The following CELF2 variants were observed in gnomAD, a reference collection of about 807,000 sequenced individuals.
The protein encoded by CELF2 is CUG triplet repeat RNA-binding protein 2.
Under a neutral mutation model 62.6 loss-of-function variants are expected in CELF2, and 8 were observed. That is an observed-to-expected ratio of 0.13 (90% CI 0.07 to 0.23). CELF2 has a LOEUF of 0.23. CELF2 is among the 10% of genes least tolerant of loss of function. The pLI is 1.00. For synonymous variants in CELF2, 258 were observed against 250.0 expected (o/e 1.03, Z -0.30); for missense variants, 333 against 671.0 (o/e 0.50, Z 5.56).
chr10:10,760,382 CT>C, the CELF2 span, among the ~76,000 whole-genome samples: 1 of 152,214 alleles, frequency 6.6e-6, no homozygotes, highest in South Asian at 2.1e-4. Context: ...GGAAAAGAGA[CT>C]GTGCTACTGT....
At chr10:10,830,730 G>A (rs1384579145) in intron 1 of CELF2, among the ~76,000 whole-genome samples, 6 of 152,040 alleles carry the variant, frequency 3.9e-5, no homozygotes, top group South Asian at 2.1e-4. Flanking sequence ...AAGCATTCGC[G>A]TAAAGAAAAT....
At chr10:10,515,331 T>TACAGTG in the CELF2 span, among the ~76,000 whole-genome samples, 7 of 151,726 alleles carry the variant, frequency 4.6e-5, 1 homozygote, top group South Asian at 1.0e-3. Flanking sequence ...ATCATGTTCA[T>TACAGTG]ACATCTTCCC....
chr10:11,328,017 T>G lies in CELF2; in HGVS notation c.1439-909T>G, dbSNP rs2095845676. ...ATACCTCTGCTGCTGCCTCCCCCAG[T>G]GCTGGAACAGACTCTGGGACCAAGA... is the stretch of plus-strand genomic sequence containing the variant. On this transcript the variant is annotated intron_variant, in intron 12 of 12. Coordinates refer to ENST00000633077, the MANE Select transcript of CELF2 (RefSeq NM_001326342.2). This position sits in a 1 kb window ranked among gnomAD's most constrained non-coding sequence, Gnocchi z 6.4. Among the ~76,000 whole-genome samples the G allele has an allele frequency of 6.6e-6, 1 of 152,202 alleles. No homozygotes were observed. Among genetic ancestry groups the G allele is most frequent in the African/African-American group, 2.4e-5 (1 of 41,448 alleles).
In CELF2 at chr10:10,924,500, A is replaced by G. The variant is rs575816117; in HGVS notation, c.89+4501A>G. ...AGAAGTATCTTAAGTACTGCAGTAG[A>G]GATTCATATGTTGATTCTTAAACAC... is the stretch of plus-strand genomic sequence containing the variant. On this transcript the variant is annotated intron_variant, in intron 2 of 13. Coordinates refer to the CELF2 transcript ENST00000636488. 2.6e-5 allele frequency among the ~76,000 whole-genome samples: 4 copies of G among 152,238 alleles called. No homozygotes were observed. The East Asian group carries it at 7.7e-4, about 29-fold the overall frequency.
the CELF2 span, among the ~76,000 whole-genome samples, chr10:10,544,472 C>A: frequency 3.9e-5 from 6 of 152,214 alleles, no homozygotes; most frequent in African/African-American, 1.2e-4. Flanking sequence ...GGAAATAATA[C>A]CTGCATATCT....
chr10:11,132,639 A>G (rs967269654), intron 1 of CELF2, among the ~76,000 whole-genome samples: 2 of 152,182 alleles, frequency 1.3e-5, no homozygotes, highest in Non-Finnish European at 2.9e-5. Context: ...TCAAGACCTA[A>G]TATCCATAAT....
intron 1 of CELF2, among the ~76,000 whole-genome samples, chr10:11,084,157 A>T (rs2074783417): frequency 6.6e-6 from 1 of 152,224 alleles, no homozygotes; most frequent in South Asian, 2.1e-4. Flanking sequence ...TTCTGGTTGG[A>T]TGTAACCCCA....
chr10:10,798,910 G>A (rs928583256), intron 1 of CELF2: 1 of 398,306 alleles, frequency 2.5e-6, no homozygotes, highest in Non-Finnish European at 4.4e-6. Flanking sequence ...GGTTGGGGTT[G>A]CTTGAAATGC....
rs56373613 is a variant in CELF2, at chr10:11,202,901, ATCTCTCTCTC to A, written c.272-14482_272-14473del. ...TGCCTGCCTTCCCACCCCCATCCTC[ATCTCTCTCTC>A]TCTCTCTCTCTCTCTCTCTCTCTCT... On this transcript the variant is annotated intron_variant, in intron 2 of 12. Transcript: ENST00000633077. 7.7e-3 allele frequency among the ~76,000 whole-genome samples: 544 copies of A among 70,930 alleles called. 10 individuals carry two copies. The highest frequency in any genetic ancestry group is 0.027 in the African/African-American group (424 of 15,948). 46.5% of individuals were successfully genotyped at this position (70,930 alleles called of 152,430 possible). A position where few individuals can be genotyped will look rare whatever the true frequency, so the allele number is the denominator to read the frequency against.
the CELF2 span, among the ~76,000 whole-genome samples, chr10:10,635,004 GGCCACACA>G: frequency 6.6e-6 from 1 of 152,146 alleles, no homozygotes; most frequent in Admixed American, 6.5e-5. Context: ...ACTCCCTGGA[GGCCACACA>G]GCAGAAGAGA....
the CELF2 span, among the ~76,000 whole-genome samples, chr10:10,569,961 A>C: frequency 8.4e-4 from 128 of 152,332 alleles, no homozygotes; most frequent in Non-Finnish European, 1.3e-3. Flanking sequence ...CAAATCTAGC[A>C]TGGATATACC....
intron 1 of CELF2, among the ~76,000 whole-genome samples, chr10:10,854,744 TA>T (rs958964378): frequency 2.3e-4 from 35 of 152,054 alleles, no homozygotes; most frequent in African/African-American, 8.0e-4. Flanking sequence ...TGTCTTGTGG[TA>T]AACTAATTGT....
At chr10:11,233,935 C>T (rs867608130) in intron 3 of CELF2, among the ~76,000 whole-genome samples, 4 of 152,160 alleles carry the variant, frequency 2.6e-5, no homozygotes, top group Middle Eastern at 3.2e-3. Context: ...GTACATCACC[C>T]CCTACACCCA....
chr10:10,893,985 G>C (rs778440171), intron 1 of CELF2, among the ~76,000 whole-genome samples: 2 of 152,136 alleles, frequency 1.3e-5, no homozygotes, highest in Non-Finnish European at 1.5e-5. Context: ...AGCTCTTCAT[G>C]GTTTCTGGAA....
chr10:11,091,650 A>G (rs1294782814), intron 1 of CELF2, among the ~76,000 whole-genome samples: 1 of 152,228 alleles, frequency 6.6e-6, no homozygotes, highest in Non-Finnish European at 1.5e-5. Context: ...ATGGAGGCGA[A>G]CCCGAATTTT....
chr10:10,724,665 A>T, the CELF2 span, among the ~76,000 whole-genome samples: 1 of 149,670 alleles, frequency 6.7e-6, no homozygotes, highest in African/African-American at 2.5e-5. Flanking sequence ...CAAAAAAAAA[A>T]AAAAAGAAAA....
the CELF2 span, among the ~76,000 whole-genome samples, chr10:10,668,693 C>T: frequency 6.6e-6 from 1 of 152,186 alleles, no homozygotes; most frequent in Non-Finnish European, 1.5e-5. Flanking sequence ...CACAGTGGCT[C>T]ATGCCTGTAA....
chr10:10,481,443 A>T, the CELF2 span, among the ~76,000 whole-genome samples: 1 of 152,218 alleles, frequency 6.6e-6, no homozygotes, highest in Non-Finnish European at 1.5e-5. Context: ...CTCCATAAAC[A>T]GACTTCTTTG....
At chr10:10,854,884 C>T (rs543694242) in intron 1 of CELF2, among the ~76,000 whole-genome samples, 19 of 152,012 alleles carry the variant, frequency 1.2e-4, no homozygotes, top group African/African-American at 4.1e-4. Context: ...TCCACCCAAG[C>T]GGGCAGAAAG....
Sources: allele counts gnomAD v4.1 joint callset (sites outside exome capture counted in the v4.1 genomes callset), GRCh38; gene constraint gnomAD v4.1.1; non-coding constraint Gnocchi (gnomAD v3.1); transcripts MANE v1.5; gene names NCBI Gene and HGNC (gene_info 2026-07-23, HGNC 2026-07-21).